Variants in NBEA observed in about 807,000 individuals in gnomAD.
NBEA encodes lysosomal-trafficking regulator 2.
NBEA carries 44 observed loss-of-function variants against 343.4 expected under a neutral mutation model. The ratio of observed to expected loss-of-function variants is 0.13; its 90% CI spans 0.10 to 0.16. The LOEUF (loss-of-function observed/expected upper bound fraction) is 0.16, where lower values mean the gene tolerates loss of function less well. Ranked by LOEUF, NBEA falls within the 10% of genes least tolerant of loss-of-function variation. NBEA has a pLI of 1.00. For synonymous variants in NBEA, 1,175 were observed against 1,238.7 expected (o/e 0.95, Z 1.08); for missense variants, 2,555 against 3,631.3 (o/e 0.70, Z 7.62).
chr13:35,628,847 G>A (rs2083336943), intron 49 of NBEA, among the ~76,000 whole-genome samples: 1 of 152,176 alleles, frequency 6.6e-6, no homozygotes, highest in African/African-American at 2.4e-5. Flanking sequence ...GAACCCAGGA[G>A]GCAGAGGTTG....
intron 41 of NBEA, among the ~76,000 whole-genome samples, chr13:35,549,012 T>C (rs2079189010): frequency 6.6e-6 from 1 of 152,192 alleles, no homozygotes; most frequent in South Asian, 2.1e-4. Flanking sequence ...TATCACTGTT[T>C]TTCAGATGAC....
chr13:35,279,153 A>G (rs889712925), intron 34 of NBEA, among the ~76,000 whole-genome samples: 2 of 152,234 alleles, frequency 1.3e-5, no homozygotes, highest in African/African-American at 4.8e-5. Context: ...TTTAAGGGCA[A>G]ACCATGCCAT....
intron 38 of NBEA, among the ~76,000 whole-genome samples, chr13:35,394,580 A>G (rs904549767): frequency 1.3e-5 from 2 of 151,266 alleles, no homozygotes; most frequent in African/African-American, 4.8e-5. Context: ...AACTCGCTGG[A>G]AAAAAAAATG....
chr13:35,626,750 A>G (rs2083248851), intron 48 of NBEA, among the ~76,000 whole-genome samples: 1 of 152,212 alleles, frequency 6.6e-6, no homozygotes, highest in Non-Finnish European at 1.5e-5. Flanking sequence ...TATAGACATA[A>G]TACAGAATTT....
At chr13:35,521,228 C>A (rs555311883) in intron 41 of NBEA, among the ~76,000 whole-genome samples, 17 of 151,800 alleles carry the variant, frequency 1.1e-4, no homozygotes, top group Admixed American at 1.0e-3. Flanking sequence ...ATGAAAAGTT[C>A]CTAGTTTTAC....
intron 53 of NBEA, among the ~76,000 whole-genome samples, chr13:35,654,028 T>G (rs1208880145): frequency 6.6e-6 from 1 of 152,240 alleles, no homozygotes; most frequent in African/African-American, 2.4e-5. Context: ...TACTTAATAT[T>G]TAACTGGTGT....
At chr13:35,361,098 C>A (rs531256322) in intron 38 of NBEA, among the ~76,000 whole-genome samples, 1 of 151,998 alleles carries the variant, frequency 6.6e-6, no homozygotes, top group South Asian at 2.1e-4. Flanking sequence ...AAGAAAAAAT[C>A]TTGAAAGAAA....
intron 40 of NBEA, among the ~76,000 whole-genome samples, chr13:35,461,957 C>T (rs2046931617): frequency 6.6e-6 from 1 of 152,178 alleles, no homozygotes; most frequent in Admixed American, 6.5e-5. Flanking sequence ...AGAATATGTT[C>T]TATCAGTTCA....
intron 10 of NBEA, among the ~76,000 whole-genome samples, chr13:35,089,852 T>C (rs1156795754): frequency 1.4e-5 from 2 of 144,770 alleles, no homozygotes; most frequent in African/African-American, 5.1e-5. Context: ...TAGGTGGGAA[T>C]TGAACAGTGA....
At chr13:35,664,083 A>G (rs2085234610) in intron 55 of NBEA, among the ~76,000 whole-genome samples, 1 of 152,160 alleles carries the variant, frequency 6.6e-6, no homozygotes, top group Admixed American at 6.5e-5. Flanking sequence ...CACTTTCCTC[A>G]TGAACTCTCT....
intron 56 of NBEA, 79 bp downstream of exon 56, chr13:35,665,265 C>G (rs912178984): frequency 5.7e-6 from 7 of 1,217,650 alleles, no homozygotes; most frequent in African/African-American, 1.5e-5. Flanking sequence ...CAGTTTATTT[C>G]TTCCAGGAAG....
At chr13:35,630,390 A>G (rs749262209) in intron 49 of NBEA, among the ~76,000 whole-genome samples, 28 of 152,184 alleles carry the variant, frequency 1.8e-4, no homozygotes, top group Non-Finnish European at 3.5e-4. Flanking sequence ...TTTAAAATGT[A>G]AAAATTAAAA....
intron 31 of NBEA, among the ~76,000 whole-genome samples, chr13:35,203,854 T>A (rs751185253): frequency 2.0e-5 from 3 of 152,230 alleles, no homozygotes; most frequent in Non-Finnish European, 4.4e-5. Context: ...ATAGATTCTA[T>A]GTAGTATAAA....
chr13:35,484,266 G>GTATA (rs1555279207), intron 41 of NBEA, among the ~76,000 whole-genome samples: 65 of 135,878 alleles, frequency 4.8e-4, no homozygotes, highest in African/African-American at 1.1e-3. Context: ...GTGTGTGTGT[G>GTATA]TGTGTGTGTA....
Position 35,156,106 on chromosome 13 carries a change from T to C in NBEA, c.2551T>C (p.Leu851=). The part of the protein sequence containing the change: ...NPMILKVVAT[L]LKNSTPSAEL... ...AGTGATTCTTAAAGTGGTGGCAACTTTGTTAAAAAACTCTACACCAAGTGC... is the reference window on the plus strand; with the variant it reads ...AGTGATTCTTAAAGTGGTGGCAACTCTGTTAAAAAACTCTACACCAAGTGC... Residue 851 remains leucine, a synonymous_variant, in exon 20 of 59, where the codon TTG becomes CTG. Transcript: ENST00000379939. The C allele has an allele frequency of 6.3e-7, 1 of 1,583,772 alleles. No homozygotes were observed. Among genetic ancestry groups the C allele is most frequent in the Non-Finnish European group, 8.5e-7 (1 of 1,169,622 alleles).
chr13:35,512,863 G>A (rs143764874), intron 41 of NBEA, among the ~76,000 whole-genome samples: 2 of 152,264 alleles, frequency 1.3e-5, no homozygotes, highest in Non-Finnish European at 2.9e-5. Flanking sequence ...AAAAACTGTG[G>A]CTGAGCCCAT....
chr13:35,430,246 C>T (rs1361105353), intron 38 of NBEA, among the ~76,000 whole-genome samples: 1 of 152,008 alleles, frequency 6.6e-6, no homozygotes, highest in South Asian at 2.1e-4. Flanking sequence ...GTTTGTTGGC[C>T]ATTTGTCAAT....
chr13:35,058,144 G>A (rs147914911), intron 7 of NBEA, among the ~76,000 whole-genome samples: 6 of 152,004 alleles, frequency 3.9e-5, no homozygotes, highest in South Asian at 4.2e-4. Context: ...CTGTACCATC[G>A]GCTTTAAGCA....
At position 35,297,671 on chromosome 13, in the gene NBEA, A is replaced by T. The variant is rs113579662; in HGVS notation, c.5838+7221A>T. On this transcript the variant is annotated intron_variant, in intron 35 of 58. Coordinates refer to ENST00000379939, the MANE Select transcript of NBEA (RefSeq NM_001385012.1). ...ACAAATTTACACCATACTAAAGATCACTTTATTTTTCTATTGCCTTCTGTT... is the reference window on the plus strand; with the variant it reads ...ACAAATTTACACCATACTAAAGATCTCTTTATTTTTCTATTGCCTTCTGTT... Among the ~76,000 whole-genome samples the T allele has an allele frequency of 2.3e-3, 355 of 152,018 alleles. 2 individuals are homozygous for T. The highest frequency in any genetic ancestry group is 8.2e-3 in the African/African-American group (339 of 41,526).
Sources: allele counts gnomAD v4.1 joint callset (sites outside exome capture counted in the v4.1 genomes callset), GRCh38; gene constraint gnomAD v4.1.1; transcripts MANE v1.5; gene names NCBI Gene and HGNC (gene_info 2026-07-23, HGNC 2026-07-21).